CAMK2D: variants seen among roughly 807,000 people sequenced by gnomAD.
The protein encoded by CAMK2D is calcium/calmodulin-dependent protein kinase type II subunit delta.
Under a neutral mutation model 84.0 loss-of-function variants are expected in CAMK2D, and 37 were observed. The ratio of observed to expected loss-of-function variants is 0.44; its 90% CI spans 0.34 to 0.58. The LOEUF (loss-of-function observed/expected upper bound fraction) is 0.58. Among genes scored for constraint, CAMK2D ranks in the 20% least tolerant of loss-of-function variants. The probability of loss-of-function intolerance (pLI) is 0.02; values close to 1 mark genes in which losing one functional copy is unlikely to be tolerated. For missense variants in CAMK2D, 448 were observed against 652.5 expected (o/e 0.69, Z 3.41); for synonymous variants, 202 against 212.5 (o/e 0.95, Z 0.43).
chr4:113,741,755 A>T (rs932434961), intron 2 of CAMK2D, among the ~76,000 whole-genome samples: 2 of 152,000 alleles, frequency 1.3e-5, no homozygotes, highest in African/African-American at 4.8e-5. Flanking sequence ...TGGCTAAAAG[A>T]CTCTACACAA....
At position 113,451,322 on chromosome 4, in the gene CAMK2D, A is replaced by C. The variant is rs961003563; in HGVS notation, c.*3223T>G. On this transcript the variant is annotated 3_prime_UTR_variant, in exon 21 of 21. Transcript: ENST00000511664. ...ACATAAAGAGGGCAGCCCAACAGCAAAACAAGAGTTGTATACCCTCGTGAG... is the reference window on the plus strand; with the variant it reads ...ACATAAAGAGGGCAGCCCAACAGCACAACAAGAGTTGTATACCCTCGTGAG... The C allele has an allele frequency of 1.4e-4, 21 of 152,220 alleles. No homozygotes were observed. The highest frequency in any genetic ancestry group is 4.8e-4 in the African/African-American group (20 of 41,464). The allele number at this position is 152,220 out of a possible 1,614,324, so 9.4% of individuals were successfully genotyped here.
intron 2 of CAMK2D, among the ~76,000 whole-genome samples, chr4:113,747,627 A>G (rs748281482): frequency 1.3e-5 from 2 of 152,124 alleles, no homozygotes; most frequent in Non-Finnish European, 2.9e-5. Context: ...GATTTTTAAA[A>G]ACAAATTCTA....
In CAMK2D at chr4:113,482,409, G is replaced by C. The variant is rs150000992; in HGVS notation, c.1136-16805C>G. On this transcript the variant is annotated intron_variant, in intron 16 of 20. Transcript: ENST00000511664. ...AGAAAGACTAAGGATGATGATGAAG[G>C]TGTGTTAAAAGCACTAGAATATAAC... Among the ~76,000 whole-genome samples, 726 of 152,258 alleles carry C rather than the reference G, an allele frequency of 4.8e-3. 7 individuals are homozygous for C. The highest frequency in any genetic ancestry group is 0.017 in the African/African-American group (696 of 41,534).
intron 2 of CAMK2D, among the ~76,000 whole-genome samples, chr4:113,740,939 T>A (rs1203893030): frequency 6.6e-6 from 1 of 152,114 alleles, no homozygotes; most frequent in African/African-American, 2.4e-5. Context: ...AATTAATAAA[T>A]TTTAAATTGG....
chr4:113,627,651 A>C (rs1329912060), intron 3 of CAMK2D, among the ~76,000 whole-genome samples: 1 of 152,190 alleles, frequency 6.6e-6, no homozygotes, highest in Admixed American at 6.6e-5. Flanking sequence ...TCTAGACAGC[A>C]CTGCAGCTTT....
At chr4:113,591,063 A>G (rs998354886) in intron 4 of CAMK2D, among the ~76,000 whole-genome samples, 2 of 152,176 alleles carry the variant, frequency 1.3e-5, no homozygotes, top group Non-Finnish European at 2.9e-5. Context: ...TAGTTAGTAA[A>G]GGGAAGGAAG....
At position 113,490,545 on chromosome 4, in the gene CAMK2D, G is replaced by A. The variant is rs545630122; in HGVS notation, c.1135+9918C>T. Among the ~76,000 whole-genome samples the A allele has an allele frequency of 1.2e-4, 17 of 140,972 alleles. No homozygotes were observed. In the East Asian group the frequency reaches 2.8e-3, roughly 23 times the overall value. 92.5% of individuals were successfully genotyped at this position (140,972 alleles called of 152,430 possible). A position where few individuals can be genotyped will look rare whatever the true frequency, so the allele number is the denominator to read the frequency against. On this transcript the variant is annotated intron_variant, in intron 16 of 20. Transcript: ENST00000511664. ...GTACCACGCTGTTTTGGTTACTGTAGCCTTGTAGTATAGTTTGAAGTCAGG... is the reference window on the plus strand; with the variant it reads ...GTACCACGCTGTTTTGGTTACTGTAACCTTGTAGTATAGTTTGAAGTCAGG...
chr4:113,565,090 G>A (rs2098715998), intron 4 of CAMK2D, among the ~76,000 whole-genome samples: 1 of 152,120 alleles, frequency 6.6e-6, no homozygotes, highest in African/African-American at 2.4e-5. Context: ...TTTAACCACA[G>A]GATGTGGTCA....
chr4:113,520,420 A>AAAAATAAAAT (rs540792727), intron 8 of CAMK2D, among the ~76,000 whole-genome samples: 2 of 152,060 alleles, frequency 1.3e-5, no homozygotes, highest in African/African-American at 4.8e-5. Flanking sequence ...CCTCAAAAAT[A>AAAAATAAAAT]AAAATAAAAT....
intron 16 of CAMK2D, among the ~76,000 whole-genome samples, chr4:113,492,336 G>C (rs1380739201): frequency 2.6e-5 from 4 of 151,946 alleles, no homozygotes; most frequent in African/African-American, 9.7e-5. Context: ...ATTCTGGTAT[G>C]TTGTGTCTTT....
chr4:113,580,054 T>C (rs1298570084), intron 4 of CAMK2D, among the ~76,000 whole-genome samples: 1 of 152,206 alleles, frequency 6.6e-6, no homozygotes, highest in East Asian at 1.9e-4. Flanking sequence ...AGGTCCCAGA[T>C]TTTACAATGA....
intron 2 of CAMK2D, among the ~76,000 whole-genome samples, chr4:113,689,102 C>T (rs1016401715): frequency 2.0e-5 from 3 of 151,862 alleles, no homozygotes; most frequent in Admixed American, 6.6e-5. Context: ...AAAAACTAGC[C>T]GGGCATGGTG....
chr4:113,699,702 A>G (rs2099412552), intron 2 of CAMK2D, among the ~76,000 whole-genome samples: 1 of 152,236 alleles, frequency 6.6e-6, no homozygotes, highest in African/African-American at 2.4e-5. Context: ...TAGTACATAC[A>G]TTTTGAATGT....
At chr4:113,582,521 A>G (rs1286332519) in intron 4 of CAMK2D, among the ~76,000 whole-genome samples, 1 of 152,194 alleles carries the variant, frequency 6.6e-6, no homozygotes, top group Non-Finnish European at 1.5e-5. Flanking sequence ...ATTCTGAAAA[A>G]TGTACACCTT....
intron 16 of CAMK2D, among the ~76,000 whole-genome samples, chr4:113,481,733 C>T (rs60041585): frequency 0.13 from 20,456 of 152,262 alleles, 1,772 homozygotes; most frequent in East Asian, 0.37. Context: ...ATCTGCCTGC[C>T]TCCCAAAGTG....
At chr4:113,677,896 A>T (rs2099325379) in intron 2 of CAMK2D, among the ~76,000 whole-genome samples, 1 of 152,130 alleles carries the variant, frequency 6.6e-6, no homozygotes, top group African/African-American at 2.4e-5. Flanking sequence ...GAAAATATGC[A>T]TAGGATAGTA....
intron 16 of CAMK2D, among the ~76,000 whole-genome samples, chr4:113,485,222 GT>G (rs1424721941): frequency 6.6e-6 from 1 of 152,126 alleles, no homozygotes; most frequent in Non-Finnish European, 1.5e-5. Flanking sequence ...TATCCCAAGG[GT>G]AAGTCTTTGG....
chr4:113,566,888 G>T (rs573919901), intron 4 of CAMK2D, among the ~76,000 whole-genome samples: 1 of 152,262 alleles, frequency 6.6e-6, no homozygotes, highest in East Asian at 1.9e-4. Context: ...AAAATGATTT[G>T]CTGGGTTTCT....
chr4:113,582,992 C>T lies in CAMK2D; in HGVS notation c.275+26160G>A, dbSNP rs182641135. On this transcript the variant is annotated intron_variant, in intron 4 of 20. Transcript: ENST00000511664. ...TTGGGGCAGAGACAGTCTGTCCTCC[C>T]GTGACTGCTCAGCTCTTCAGTGGAG... Among the ~76,000 whole-genome samples the T allele has an allele frequency of 2.3e-3, 345 of 152,330 alleles. 1 individual carries two copies. Among genetic ancestry groups the T allele is most frequent in the Middle Eastern group, 3.4e-3 (1 of 294 alleles).
Sources: allele counts gnomAD v4.1 joint callset (sites outside exome capture counted in the v4.1 genomes callset), GRCh38; gene constraint gnomAD v4.1.1; transcripts MANE v1.5; gene names NCBI Gene and HGNC (gene_info 2026-07-23, HGNC 2026-07-21).